Variants in KLF12 observed in about 807,000 individuals in gnomAD.
KLF12 encodes the protein Krueppel-like factor 12.
In KLF12, 9 loss-of-function variants were observed where a neutral mutation model predicts 37.8. That is an observed-to-expected ratio of 0.24 (90% CI 0.14 to 0.42). The LOEUF is 0.42. Among genes scored for constraint, KLF12 ranks in the 10% least tolerant of loss-of-function variants. KLF12 has a pLI of 1.00. For synonymous variants in KLF12, 208 were observed against 202.1 expected (o/e 1.03, Z -0.25); for missense variants, 411 against 516.0 (o/e 0.80, Z 1.97).
At chr13:73,830,619 T>C (rs2138577032) in intron 4 of KLF12, among the ~76,000 whole-genome samples, 1 of 152,282 alleles carries the variant, frequency 6.6e-6, no homozygotes, top group Admixed American at 6.5e-5. Context: ...AAAATAAATA[T>C]AATTATAACA....
chr13:74,088,271 C>CT (rs1227052983), intron 1 of KLF12, among the ~76,000 whole-genome samples: 258 of 147,212 alleles, frequency 1.8e-3, no homozygotes, highest in Middle Eastern at 6.9e-3. Context: ...GTGGCTATAG[C>CT]TTTTTTTTTT....
At chr13:73,939,866 G>GT (rs905255332) in intron 3 of KLF12, among the ~76,000 whole-genome samples, 3 of 152,160 alleles carry the variant, frequency 2.0e-5, no homozygotes, top group African/African-American at 7.2e-5. Context: ...CTTCACTGCA[G>GT]TAAGACTCAT....
intron 5 of KLF12, among the ~76,000 whole-genome samples, chr13:73,775,514 T>C (rs910366234): frequency 6.6e-6 from 1 of 152,234 alleles, no homozygotes; most frequent in Non-Finnish European, 1.5e-5. Context: ...TGATAATTGC[T>C]TCAATTTTCC....
chr13:73,870,683 G>C (rs533866944), intron 3 of KLF12, among the ~76,000 whole-genome samples: 2 of 152,340 alleles, frequency 1.3e-5, no homozygotes, highest in South Asian at 2.1e-4. Context: ...CTGAAGTCAA[G>C]AGAAACGGAA....
intron 1 of KLF12, among the ~76,000 whole-genome samples, chr13:74,047,999 T>G (rs995661426): frequency 3.3e-5 from 5 of 152,220 alleles, no homozygotes; most frequent in African/African-American, 7.2e-5. Context: ...AGAACTCATG[T>G]ACATTCCAGC....
chr13:73,718,006 T>C (rs1290020129), intron 6 of KLF12, among the ~76,000 whole-genome samples: 1 of 152,216 alleles, frequency 6.6e-6, no homozygotes, highest in Non-Finnish European at 1.5e-5. Flanking sequence ...ATGTTTAACA[T>C]CTTTTAAAAG....
At chr13:73,727,730 C>T (rs1412002170) in intron 6 of KLF12, among the ~76,000 whole-genome samples, 3 of 151,094 alleles carry the variant, frequency 2.0e-5, no homozygotes, top group Non-Finnish European at 4.4e-5. Context: ...TGGAGTCTCA[C>T]TCTGTGGCCC....
rs563446363 is a variant in KLF12 at position 74,127,066 on chromosome 13, T to C, written c.-32+6673A>G. ...TCAAGGCTGGAGTGCATTGGCTCAA[T>C]TGATCATAGCTCGTTGTAGCCCTGA... On this transcript the variant is annotated intron_variant, in intron 1 of 7. Transcript: ENST00000377669. Among the ~76,000 whole-genome samples the C allele has an allele frequency of 1.5e-3, 223 of 152,314 alleles. 1 individual carries two copies. Among genetic ancestry groups the C allele is most frequent in the African/African-American group, 5.0e-3 (207 of 41,576 alleles).
chr13:73,812,552 AC>A (rs1594120240), intron 5 of KLF12, among the ~76,000 whole-genome samples: 1 of 142,922 alleles, frequency 7.0e-6, no homozygotes, highest in East Asian at 1.9e-4. Context: ...ACAAAAAAAA[AC>A]ATGGATTTTT....
At chr13:74,212,416 G>T in the KLF12 span, among the ~76,000 whole-genome samples, 2 of 152,008 alleles carry the variant, frequency 1.3e-5, no homozygotes, top group Admixed American at 6.6e-5. Flanking sequence ...GCATGCTTTG[G>T]GCATCAGCCA....
intron 3 of KLF12, among the ~76,000 whole-genome samples, chr13:73,904,133 T>C (rs888869467): frequency 1.3e-5 from 2 of 152,170 alleles, no homozygotes; most frequent in East Asian, 1.9e-4. Context: ...AGGCTAGCAA[T>C]GGAGATATAA....
intron 3 of KLF12, among the ~76,000 whole-genome samples, chr13:73,879,098 C>T (rs879259629): frequency 3.3e-5 from 5 of 152,160 alleles, no homozygotes; most frequent in Admixed American, 2.6e-4. Flanking sequence ...ATTCAAACTA[C>T]TGAGACTATC....
chr13:74,192,448 C>T, the KLF12 span, among the ~76,000 whole-genome samples: 416 of 152,170 alleles, frequency 2.7e-3, 1 homozygote, highest in African/African-American at 9.4e-3. Context: ...TTACAAATAC[C>T]CATTAGATCT....
intron 2 of KLF12, among the ~76,000 whole-genome samples, chr13:73,981,780 T>C (rs1301567115): frequency 6.6e-6 from 1 of 152,256 alleles, no homozygotes; most frequent in African/African-American, 2.4e-5. Flanking sequence ...CAAGAGAAAA[T>C]GCAGCTAAGA....
chr13:74,182,296 G>C, the KLF12 span, among the ~76,000 whole-genome samples: 2 of 152,178 alleles, frequency 1.3e-5, no homozygotes, highest in Non-Finnish European at 2.9e-5. Flanking sequence ...CCTTGACAAA[G>C]AGCCTGTTTT....
intron 4 of KLF12, among the ~76,000 whole-genome samples, chr13:73,837,003 T>A (rs893664595): frequency 1.3e-5 from 2 of 152,220 alleles, no homozygotes; most frequent in African/African-American, 4.8e-5. Context: ...GCCCATTTTT[T>A]AAACATCTTC....
intron 6 of KLF12, among the ~76,000 whole-genome samples, chr13:73,723,379 G>A (rs918040385): frequency 1.3e-5 from 2 of 152,108 alleles, no homozygotes; most frequent in Non-Finnish European, 2.9e-5. Context: ...CCCACTGAAT[G>A]GAAGACACAT....
chr13:73,858,776 TA>T, intron 3 of KLF12, among the ~76,000 whole-genome samples: 1 of 152,260 alleles, frequency 6.6e-6, no homozygotes, highest in South Asian at 2.1e-4. Context: ...AAAGGAAAAG[TA>T]ATGGGGAAAG....
chr13:74,072,403 A>ATATATATATATT (rs1273516363), intron 1 of KLF12, among the ~76,000 whole-genome samples: 1 of 133,230 alleles, frequency 7.5e-6, no homozygotes, highest in Non-Finnish European at 1.6e-5. Flanking sequence ...ATATATATAT[A>ATATATATATATT]TATAAAAGAT....
Sources: allele counts gnomAD v4.1 joint callset (sites outside exome capture counted in the v4.1 genomes callset), GRCh38; gene constraint gnomAD v4.1.1; transcripts MANE v1.5; gene names NCBI Gene and HGNC (gene_info 2026-07-23, HGNC 2026-07-21).